Variants in PSMD1 observed in about 807,000 individuals in gnomAD.
PSMD1 encodes the protein 26S proteasome non-ATPase regulatory subunit 1.
Under a neutral mutation model 119.0 loss-of-function variants are expected in PSMD1, and 18 were observed. That is an observed-to-expected ratio of 0.15 (90% CI 0.10 to 0.22). The LOEUF is 0.22. PSMD1 is among the 10% of genes least tolerant of loss of function. The pLI, the probability that PSMD1 is intolerant of heterozygous loss-of-function variation, is 1.00. For missense variants in PSMD1, 702 were observed against 1,158.5 expected (o/e 0.61, Z 5.72); for synonymous variants, 374 against 396.6 (o/e 0.94, Z 0.68).
intron 16 of PSMD1, among the ~76,000 whole-genome samples, chr2:231,093,478 A>G (rs7581188): frequency 0.49 from 74,582 of 151,808 alleles, 21,719 homozygotes; most frequent in African/African-American, 0.81. Context: ...TTCTGGTACC[A>G]GGTTGGGTCC....
intron 16 of PSMD1, among the ~76,000 whole-genome samples, chr2:231,104,672 C>T (rs1452303433): frequency 6.6e-6 from 1 of 152,024 alleles, no homozygotes; most frequent in East Asian, 1.9e-4. Context: ...TAAATTTCCC[C>T]ACTGTCATAA....
rs113617018 is a variant in PSMD1 at position 231,144,252 on chromosome 2, C to CTT, written c.1999-1974_1999-1973dup. Among the ~76,000 whole-genome samples the CTT allele has an allele frequency of 5.9e-5, 8 of 136,648 alleles. No homozygotes were observed. In the East Asian group the frequency reaches 8.3e-4, roughly 14 times the overall value. 89.6% of individuals were successfully genotyped at this position (136,648 alleles called of 152,430 possible). On this transcript the variant is annotated intron_variant, in intron 17 of 24. Coordinates refer to ENST00000308696, the MANE Select transcript of PSMD1 (RefSeq NM_002807.4). The stretch of plus-strand genomic sequence containing the variant: ...CTAATATTTGAAAGAGGTTTGTTTC[C>CTT]TTTTTTTTTTTTTTTGGAGACAGAG...
chr2:231,162,159 T>A (rs1479060956), intron 20 of PSMD1, among the ~76,000 whole-genome samples: 1 of 152,240 alleles, frequency 6.6e-6, no homozygotes, highest in Non-Finnish European at 1.5e-5. Context: ...ACATTTGTGG[T>A]CATATTTTTT....
rs1491228287 is a variant in PSMD1, at chr2:231,141,420, ACT to A, written c.1998+2571_1998+2572del. Among the ~76,000 whole-genome samples, 443 of 140,968 alleles carry A rather than the reference ACT, an allele frequency of 3.1e-3. 10 individuals carry two copies. The highest frequency in any genetic ancestry group is 0.017 in the Admixed American group (248 of 14,246). 92.5% of individuals were successfully genotyped at this position (140,968 alleles called of 152,430 possible). Reference sequence around the variant, plus strand: ...CTATTCTGTCTGCTTACCCTGCTATACTTTTTTTTTTTTTTTTTTTGAGACAG... The same window carrying A: ...CTATTCTGTCTGCTTACCCTGCTATATTTTTTTTTTTTTTTTTTGAGACAG... On this transcript the variant is annotated intron_variant, in intron 17 of 24. Transcript: ENST00000308696.
At chr2:231,120,718 T>C (rs1695510450) in intron 16 of PSMD1, among the ~76,000 whole-genome samples, 1 of 152,246 alleles carries the variant, frequency 6.6e-6, no homozygotes, top group Admixed American at 6.5e-5. Flanking sequence ...TACGAGCTAG[T>C]ATAGTTTTTG....
At chr2:231,149,430 T>C (rs1019787745) in intron 18 of PSMD1, among the ~76,000 whole-genome samples, 53 of 151,764 alleles carry the variant, frequency 3.5e-4, no homozygotes, top group Admixed American at 1.3e-4. Flanking sequence ...AGCCTGGGAG[T>C]TCAAGGCCAG....
chr2:231,141,756 T>G (rs1356342609), intron 17 of PSMD1, among the ~76,000 whole-genome samples: 4 of 152,148 alleles, frequency 2.6e-5, no homozygotes, highest in African/African-American at 9.7e-5. Flanking sequence ...AATTAAAGCT[T>G]TGTTTGTTGC....
intron 18 of PSMD1, among the ~76,000 whole-genome samples, chr2:231,150,134 A>G (rs1482007370): frequency 6.6e-6 from 1 of 152,164 alleles, no homozygotes; most frequent in African/African-American, 2.4e-5. Context: ...TCACGCGGTC[A>G]GGAGTTCAAG....
At chr2:231,065,635 G>A (rs1375659746) in intron 4 of PSMD1, among the ~76,000 whole-genome samples, 2 of 152,128 alleles carry the variant, frequency 1.3e-5, no homozygotes, top group African/African-American at 2.4e-5. Context: ...AAGGTGGAAG[G>A]CTTAGGGAAA....
At chr2:231,168,995 C>G (rs992494220) in intron 23 of PSMD1, among the ~76,000 whole-genome samples, 2 of 152,162 alleles carry the variant, frequency 1.3e-5, no homozygotes, top group African/African-American at 2.4e-5. Context: ...CCTATATCTA[C>G]AGTTGTAATT....
intron 19 of PSMD1, among the ~76,000 whole-genome samples, chr2:231,159,055 A>G (rs1214161646): frequency 4.6e-5 from 7 of 152,182 alleles, no homozygotes; most frequent in African/African-American, 1.7e-4. Flanking sequence ...GGTTTAGTCA[A>G]GTCAAGTCAG....
At chr2:231,095,767 G>A (rs1186763365) in intron 16 of PSMD1, among the ~76,000 whole-genome samples, 2 of 152,220 alleles carry the variant, frequency 1.3e-5, no homozygotes, top group Admixed American at 6.5e-5. Flanking sequence ...CGCTGCGGGG[G>A]AAGGGAGGCC....
chr2:231,106,899 T>A (rs1694991725), intron 16 of PSMD1, among the ~76,000 whole-genome samples: 1 of 152,194 alleles, frequency 6.6e-6, no homozygotes, highest in African/African-American at 2.4e-5. Context: ...AATACTGTCA[T>A]AGTGATAACT....
chr2:231,123,935 A>T (rs577406334), intron 16 of PSMD1: 2 of 659,732 alleles, frequency 3.0e-6, no homozygotes, highest in East Asian at 5.5e-5. Flanking sequence ...GAGCGCATAC[A>T]CACATCTGTC....
chr2:231,062,100 G>A (rs1034721908), intron 2 of PSMD1, 148 bp from the exon 3 acceptor site: 11 of 573,290 alleles, frequency 1.9e-5, no homozygotes, highest in Non-Finnish European at 3.5e-5. Context: ...AAGAAAAAGT[G>A]TAAGTTGGTA....
chr2:231,122,319 T>C (rs1481428188), intron 16 of PSMD1, among the ~76,000 whole-genome samples: 2 of 152,138 alleles, frequency 1.3e-5, no homozygotes, highest in African/African-American at 2.4e-5. Context: ...TTATTACTTA[T>C]AAAATTGTAA....
At chr2:231,075,353 T>A (rs1194596661) in intron 7 of PSMD1, among the ~76,000 whole-genome samples, 158 bp from the exon 8 acceptor site, 1 of 152,226 alleles carries the variant, frequency 6.6e-6, no homozygotes, top group Non-Finnish European at 1.5e-5. Context: ...CTGGATTGCC[T>A]CCATCTTAGA....
chr2:231,101,779 G>A (rs1694871829), intron 16 of PSMD1, among the ~76,000 whole-genome samples: 2 of 152,152 alleles, frequency 1.3e-5, no homozygotes, highest in African/African-American at 2.4e-5. Context: ...TGCACTGAGG[G>A]CTCAGATGGT....
chr2:231,065,015 A>G (rs1397810570), intron 4 of PSMD1, among the ~76,000 whole-genome samples: 1 of 151,006 alleles, frequency 6.6e-6, no homozygotes, highest in Non-Finnish European at 1.5e-5. Context: ...TGAATCTTGA[A>G]TGTAGTATAT....
Sources: gnomAD v4.1 joint callset for allele counts (sites outside exome capture counted in the v4.1 genomes callset) on GRCh38, gnomAD v4.1.1 for gene constraint, MANE v1.5 for transcripts, NCBI Gene and HGNC (gene_info 2026-07-23, HGNC 2026-07-21) for gene names.